CCSER2: variants seen among roughly 807,000 people sequenced by gnomAD.
CCSER2 encodes serine-rich coiled-coil domain-containing protein 2.
In CCSER2, 46 loss-of-function variants were observed where a neutral mutation model predicts 92.3. The ratio of observed to expected loss-of-function variants is 0.50; its 90% CI spans 0.39 to 0.64. CCSER2 has a LOEUF of 0.64. CCSER2 is among the 30% of genes least tolerant of loss of function. The probability of loss-of-function intolerance (pLI) is 0.00; values close to 1 mark genes in which losing one functional copy is unlikely to be tolerated. For synonymous variants in CCSER2, 433 were observed against 431.4 expected (o/e 1.00, Z -0.04); for missense variants, 1,244 against 1,238.9 (o/e 1.00, Z -0.06).
chr10:84,481,238 A>G (rs1847439009), intron 9 of CCSER2, among the ~76,000 whole-genome samples: 1 of 152,048 alleles, frequency 6.6e-6, no homozygotes, highest in Non-Finnish European at 1.5e-5. Flanking sequence ...ACTCCCAACT[A>G]TTTATGTTAT....
At chr10:84,472,398 G>A (rs1014249681) in intron 8 of CCSER2, among the ~76,000 whole-genome samples, 1 of 152,046 alleles carries the variant, frequency 6.6e-6, no homozygotes. Context: ...GTGAAACCCT[G>A]TCTCTACTAA....
chr10:84,487,264 T>G (rs1774622355), intron 9 of CCSER2, among the ~76,000 whole-genome samples: 1 of 152,236 alleles, frequency 6.6e-6, no homozygotes, highest in Non-Finnish European at 1.5e-5. Flanking sequence ...AAAGTAGTTT[T>G]TTCCAATTCT....
At chr10:84,497,518 T>C (rs976329017) in intron 9 of CCSER2, among the ~76,000 whole-genome samples, 3 of 152,226 alleles carry the variant, frequency 2.0e-5, no homozygotes, top group African/African-American at 4.8e-5. Context: ...ACAGATATCA[T>C]TGTTTTTGGT....
At chr10:84,361,898 C>T (rs1845522526) in intron 1 of CCSER2, among the ~76,000 whole-genome samples, 1 of 152,188 alleles carries the variant, frequency 6.6e-6, no homozygotes, top group Non-Finnish European at 1.5e-5. Context: ...CCTCGGCCTC[C>T]CAAAGTGCTG....
intron 1 of CCSER2, among the ~76,000 whole-genome samples, chr10:84,366,895 GGTA>G (rs766435982): frequency 3.3e-5 from 5 of 152,112 alleles, no homozygotes; most frequent in Non-Finnish European, 7.4e-5. Flanking sequence ...AGGAATCCTT[GGTA>G]GTAGTACAGG....
chr10:84,379,014 A>G (rs778423267), intron 3 of CCSER2, among the ~76,000 whole-genome samples: 46 of 152,140 alleles, frequency 3.0e-4, no homozygotes, highest in Non-Finnish European at 5.0e-4. Flanking sequence ...AGTGTTTCTT[A>G]TTTTTCTGTC....
At chr10:84,449,068 G>A (rs991585684) in intron 6 of CCSER2, among the ~76,000 whole-genome samples, 5 of 152,198 alleles carry the variant, frequency 3.3e-5, no homozygotes, top group Admixed American at 2.0e-4. Context: ...AAGTTAATAG[G>A]AATAAATGTA....
chr10:84,366,245 C>T (rs778017875), intron 1 of CCSER2, among the ~76,000 whole-genome samples: 32 of 152,072 alleles, frequency 2.1e-4, no homozygotes, highest in South Asian at 6.2e-4. Context: ...TGCCCGGCCT[C>T]GGAATCCTTT....
At chr10:84,335,488 C>T (rs1422738502) in intron 1 of CCSER2, among the ~76,000 whole-genome samples, 1 of 152,060 alleles carries the variant, frequency 6.6e-6, no homozygotes, top group Non-Finnish European at 1.5e-5. Flanking sequence ...AAATGACCCT[C>T]CTGCTTTTAC....
In CCSER2 at chr10:84,379,982, G is replaced by A. The variant is rs1005039749; in HGVS notation, c.1614+6167G>A. On this transcript the variant is annotated intron_variant, in intron 3 of 9. Transcript: ENST00000372088. ...GATTCAATTCTCTTTGATCATATAA[G>A]TCAGTTTCTTTAGGATATAAACCTA... Among the ~76,000 whole-genome samples, 5 of 152,246 alleles carry A rather than the reference G, an allele frequency of 3.3e-5. No homozygotes were observed. In the East Asian group the frequency reaches 5.8e-4, roughly 18 times the overall value.
chr10:84,361,065 G>C (rs1845474925), intron 1 of CCSER2, among the ~76,000 whole-genome samples: 1 of 152,150 alleles, frequency 6.6e-6, no homozygotes, highest in South Asian at 2.1e-4. Context: ...GCAGGGAAGT[G>C]AGAGGGTTTG....
rs796801624 is a variant in CCSER2, at chr10:84,461,661, GT to G, written c.2065-2260del. ...CATTTGTTTCTACTTTTTATATTCT[GT>G]TTTTTTTTTTTCCCCCTGAGATTTT... On this transcript the variant is annotated intron_variant, in intron 6 of 9. Coordinates refer to ENST00000372088, the MANE Select transcript of CCSER2 (RefSeq NM_001284240.2). Among the ~76,000 whole-genome samples the G allele has an allele frequency of 5.2e-3, 735 of 141,744 alleles. 3 individuals carry two copies. The highest frequency in any genetic ancestry group is 0.012 in the African/African-American group (456 of 38,966). 93.0% of individuals were successfully genotyped at this position (141,744 alleles called of 152,430 possible). A position where few individuals can be genotyped will look rare whatever the true frequency, so the allele number is the denominator to read the frequency against.
At chr10:84,415,505 AAAGATGGC>A (rs1243879866) in intron 3 of CCSER2, among the ~76,000 whole-genome samples, 2 of 152,332 alleles carry the variant, frequency 1.3e-5, no homozygotes, top group East Asian at 3.9e-4. Flanking sequence ...GTGAAACAGC[AAAGATGGC>A]AACCTGATCC....
chr10:84,465,314 ATTTT>A lies in CCSER2; in HGVS notation c.2148+1324_2148+1327del, dbSNP rs34510394. On this transcript the variant is annotated intron_variant, in intron 7 of 9. Transcript: ENST00000372088. ...GTGAAAAAGTTTTTTACATGTAAAG[ATTTT>A]TTTTTTTTTTTTTTTTTTTTTTTTT... Among the ~76,000 whole-genome samples, 364 of 49,876 alleles carry A rather than the reference ATTTT, an allele frequency of 7.3e-3. 4 individuals are homozygous for A. Among genetic ancestry groups the A allele is most frequent in the African/African-American group, 0.035 (335 of 9,466 alleles). The allele number at this position is 49,876 out of a possible 152,430, so 32.7% of individuals were successfully genotyped here.
chr10:84,382,194 G>A (rs1014494812), intron 3 of CCSER2, among the ~76,000 whole-genome samples: 1 of 152,134 alleles, frequency 6.6e-6, no homozygotes, highest in Non-Finnish European at 1.5e-5. Context: ...TGGGCTTGGG[G>A]ACTCCTGACA....
At chr10:84,352,843 T>G (rs1032949407) in intron 1 of CCSER2, among the ~76,000 whole-genome samples, 16 of 152,214 alleles carry the variant, frequency 1.1e-4, no homozygotes, top group African/African-American at 3.6e-4. Flanking sequence ...CAGGCTGGAT[T>G]GCAGTGGTAC....
At chr10:84,488,053 C>T (rs897749538) in intron 9 of CCSER2, among the ~76,000 whole-genome samples, 13 of 151,644 alleles carry the variant, frequency 8.6e-5, no homozygotes, top group South Asian at 8.3e-4. Context: ...TATTGATTTG[C>T]GTATGTTGAA....
At chr10:84,457,279 TTATATA>T (rs1389807674) in intron 6 of CCSER2, among the ~76,000 whole-genome samples, 1,145 of 7,846 alleles carry the variant, frequency 0.15, 34 homozygotes, top group Non-Finnish European at 0.34. Context: ...ATATAATATA[TTATATA>T]TTATATATTA....
At chr10:84,494,682 A>G (rs1340824037) in intron 9 of CCSER2, among the ~76,000 whole-genome samples, 1 of 152,140 alleles carries the variant, frequency 6.6e-6, no homozygotes, top group Non-Finnish European at 1.5e-5. Flanking sequence ...CCTAACTTGT[A>G]GGGTCTCTTG....
Sources: gnomAD v4.1 joint callset for allele counts (sites outside exome capture counted in the v4.1 genomes callset) on GRCh38, gnomAD v4.1.1 for gene constraint, MANE v1.5 for transcripts, NCBI Gene and HGNC (gene_info 2026-07-23, HGNC 2026-07-21) for gene names.